ANK1: variants seen among roughly 807,000 people sequenced by gnomAD.
The protein encoded by ANK1 is ankyrin-1.
ANK1 carries 51 observed loss-of-function variants against 210.4 expected under a neutral mutation model. The observed-to-expected ratio is 0.24, with a 90% confidence interval of 0.19 to 0.31. The LOEUF (loss-of-function observed/expected upper bound fraction) is 0.31, where lower values mean the gene tolerates loss of function less well. Among genes scored for constraint, ANK1 ranks in the 10% least tolerant of loss-of-function variants. The pLI is 1.00. For missense variants in ANK1, 2,051 were observed against 2,504.4 expected (o/e 0.82, Z 3.86); for synonymous variants, 967 against 1,025.9 (o/e 0.94, Z 1.10).
chr8:41,810,296 A>C (rs539801060), intron 1 of ANK1, among the ~76,000 whole-genome samples: 1 of 152,320 alleles, frequency 6.6e-6, no homozygotes, highest in African/African-American at 2.4e-5. Context: ...ACAAATGCTG[A>C]ATGTGCACAA....
At chr8:41,843,959 C>A (rs971458308) in intron 1 of ANK1, among the ~76,000 whole-genome samples, 1 of 152,228 alleles carries the variant, frequency 6.6e-6, no homozygotes, top group African/African-American at 2.4e-5. Flanking sequence ...ACTGCAGTCT[C>A]CAACTCCTGG....
chr8:41,849,421 G>C (rs1810744481), intron 1 of ANK1, among the ~76,000 whole-genome samples: 1 of 151,752 alleles, frequency 6.6e-6, no homozygotes, highest in Admixed American at 6.5e-5. Context: ...CTACCAGGGA[G>C]GCTGAAGTAG....
intron 2 of ANK1, among the ~76,000 whole-genome samples, chr8:41,743,887 A>G (rs1835407137): frequency 6.6e-6 from 1 of 152,206 alleles, no homozygotes; most frequent in African/African-American, 2.4e-5. Flanking sequence ...ACACAGACAT[A>G]TGACAACCCG....
chr8:41,816,340 T>C (rs747710778), intron 1 of ANK1, among the ~76,000 whole-genome samples: 1 of 152,250 alleles, frequency 6.6e-6, no homozygotes, highest in Non-Finnish European at 1.5e-5. Flanking sequence ...GAACCCATAG[T>C]CTTACGATTT....
rs533449843 is a variant in ANK1, at chr8:41,883,047, AG to A, written c.126+13307del. 1.3e-3 allele frequency among the ~76,000 whole-genome samples: 191 copies of A among 152,350 alleles called. 2 individuals carry two copies. The highest frequency in any genetic ancestry group is 4.3e-3 in the African/African-American group (180 of 41,586). On this transcript the variant is annotated intron_variant, in intron 1 of 42. Coordinates refer to the ANK1 transcript ENST00000265709. ...CTCAGCCAGAGGTTTATAGAGTCAC[AG>A]GGTTGCCTGATTACACAGGCTCAGC...
chr8:41,800,617 G>A (rs985499178), upstream of ANK1, among the ~76,000 whole-genome samples: 5 of 152,232 alleles, frequency 3.3e-5, no homozygotes, highest in East Asian at 7.7e-4. Flanking sequence ...GGATTCCATC[G>A]ACCTCATGCC....
chr8:41,714,258 C>A lies in ANK1; in HGVS notation c.1702-4G>T. 1 of 1,541,152 alleles carries A rather than the reference C, an allele frequency of 6.5e-7. No homozygotes were observed. The highest frequency in any genetic ancestry group is 8.8e-7 in the Non-Finnish European group (1 of 1,135,714). Reference sequence around the variant, plus strand: ...CGTGCAGGGGGGTCAGGCCATTCTGCAGGGGACAAAGACAAAAGAGGCCGG... The same window carrying A: ...CGTGCAGGGGGGTCAGGCCATTCTGAAGGGGACAAAGACAAAAGAGGCCGG... On this transcript the variant is annotated splice_polypyrimidine_tract_variant and splice_region_variant and intron_variant, in intron 15 of 42. Coordinates refer to ENST00000289734, the MANE Select transcript of ANK1 (RefSeq NM_000037.4).
rs1287792154 is a variant in ANK1, at chr8:41,701,965, C to T, written c.2388+87G>A. 6 of 1,397,210 alleles carry T rather than the reference C, an allele frequency of 4.3e-6. No individual in the cohort carries two copies. The Admixed American group carries it at 1.1e-4, about 24-fold the overall frequency. 86.6% of individuals were successfully genotyped at this position (1,397,210 alleles called of 1,614,324 possible). On this transcript the variant is annotated intron_variant, in intron 21 of 42. Coordinates refer to ENST00000289734, the MANE Select transcript of ANK1 (RefSeq NM_000037.4). ...CGACCCGCGTCCCGGAGCCCCAGAACGCACCCCACTTCCAGAGTAACCCCA... is the reference window on the plus strand; with the variant it reads ...CGACCCGCGTCCCGGAGCCCCAGAATGCACCCCACTTCCAGAGTAACCCCA...
chr8:41,654,951 C>T lies in ANK1; in HGVS notation c.*839G>A, dbSNP rs1196423897. ...GGTCCTCGCCTCAGATTCTTAAGTCCCTAACACAAGGAACCCCGAATGCAC... is the reference window on the plus strand; with the variant it reads ...GGTCCTCGCCTCAGATTCTTAAGTCTCTAACACAAGGAACCCCGAATGCAC... On this transcript the variant is annotated 3_prime_UTR_variant, in exon 43 of 43. Coordinates refer to ENST00000289734, the MANE Select transcript of ANK1 (RefSeq NM_000037.4). 1 of 152,544 alleles carries T rather than the reference C, an allele frequency of 6.6e-6. No individual in the cohort carries two copies. Among genetic ancestry groups the T allele is most frequent in the Non-Finnish European group, 1.5e-5 (1 of 68,032 alleles). 9.4% of individuals were successfully genotyped at this position (152,544 alleles called of 1,614,324 possible).
rs1428880223 is a variant in ANK1 at position 41,797,173 on chromosome 8, A to C, written c.27+339T>G. Among the ~76,000 whole-genome samples the C allele has an allele frequency of 6.6e-6, 1 of 152,202 alleles. No homozygotes were observed. The highest frequency in any genetic ancestry group is 1.5e-5 in the Non-Finnish European group (1 of 68,038). On this transcript the variant is annotated intron_variant, in intron 1 of 42. Coordinates refer to ENST00000289734, the MANE Select transcript of ANK1 (RefSeq NM_000037.4). The surrounding 1 kb of genome is among the most constrained non-coding windows in gnomAD (Gnocchi z 4.0). ...TTAGCAGACTCAAAGGAAAGCCTCT[A>C]AGATCTCAATAGATTTGGACTATAA...
rs1162282073 is a variant in ANK1 at position 41,694,526 on chromosome 8, G to A, written c.3327+66C>T. On this transcript the variant is annotated intron_variant, in intron 28 of 42. Coordinates refer to ENST00000289734, the MANE Select transcript of ANK1 (RefSeq NM_000037.4). The surrounding 1 kb of genome is among the most constrained non-coding windows in gnomAD (Gnocchi z 5.7). ...AGTGTGGGGATGTCCTGGGGAAGAG[G>A]GTGGCCTTCCCGGAGGCCTGGAGTT... The A allele has an allele frequency of 6.9e-7, 1 of 1,454,778 alleles. No homozygotes were observed. The allele number at this position is 1,454,778 out of a possible 1,614,324, so 90.1% of individuals were successfully genotyped here.
chr8:41,896,273 G>T, intron 1 of ANK1: 2 of 1,469,630 alleles, frequency 1.4e-6, no homozygotes, highest in South Asian at 1.4e-5. Context: ...GCCCCACCGC[G>T]TCCCGGGCCG....
chr8:41,862,536 GA>G (rs1373728424), intron 1 of ANK1, among the ~76,000 whole-genome samples: 2 of 151,622 alleles, frequency 1.3e-5, no homozygotes, highest in Admixed American at 6.6e-5. Context: ...TTAAAAGAAT[GA>G]AAATATTTTA....
At position 41,696,396 on chromosome 8, in the gene ANK1, A is replaced by G. The variant is rs1384514572; in HGVS notation, c.2927T>C (p.Ile976Thr). The change falls in exon 26 of 43, where the codon ATA becomes ACA. Residue 976 changes from isoleucine (I) to threonine (T), a missense_variant. Physicochemically the swap from Ile to Thr is moderately conservative, Grantham distance 89. This residue lies in a region of ANK1 where 1,413 missense variants were observed against 1,707.4 expected (regional missense o/e 0.83). Coordinates refer to ENST00000289734, the MANE Select transcript of ANK1 (RefSeq NM_000037.4). ...AEEEGLASRI[I>T]ALGPTGAQFL... ...CTGTGCCCCCGTGGGCCCCAGTGCT[A>G]TGATCCTGCTGGCCAGGCCCTCCTC... 1 of 1,613,368 alleles carries G rather than the reference A, an allele frequency of 6.2e-7. No individual in the cohort carries two copies. The highest frequency in any genetic ancestry group is 8.5e-7 in the Non-Finnish European group (1 of 1,179,924).
Position 41,664,989 on chromosome 8 carries a change from A to C in ANK1, c.5395-1247T>G, listed in dbSNP as rs748273759. 4.3e-6 allele frequency: 7 copies of C among 1,614,152 alleles called. No individual in the cohort carries two copies. In the South Asian group the frequency reaches 7.7e-5, roughly 18 times the overall value. On this transcript the variant is annotated intron_variant, in intron 39 of 42. Coordinates refer to ENST00000289734, the MANE Select transcript of ANK1 (RefSeq NM_000037.4). ...GACCAGGAAGAAGCTCAGCAGCACC[A>C]GCGTGACCAACAGCTGGGTGACGAA... is the stretch of plus-strand genomic sequence containing the variant.
intron 1 of ANK1, among the ~76,000 whole-genome samples, chr8:41,821,879 C>G (rs1016368003): frequency 1.3e-5 from 2 of 151,998 alleles, no homozygotes; most frequent in Admixed American, 6.6e-5. Flanking sequence ...GAAACCTCAT[C>G]TCTACTAAAA....
At chr8:41,736,431 C>T (rs146933081) in intron 2 of ANK1, among the ~76,000 whole-genome samples, 2 of 152,214 alleles carry the variant, frequency 1.3e-5, no homozygotes, top group Admixed American at 6.5e-5. Context: ...TCCAACCCAG[C>T]GGCAGCCTTA....
At chr8:41,782,565 A>T (rs888986496) in intron 1 of ANK1, among the ~76,000 whole-genome samples, 1 of 152,190 alleles carries the variant, frequency 6.6e-6, no homozygotes, top group African/African-American at 2.4e-5. Flanking sequence ...AACATTGTAG[A>T]GCCCTCCGTG....
intron 1 of ANK1, among the ~76,000 whole-genome samples, chr8:41,845,931 A>G (rs1809959453): frequency 6.6e-6 from 1 of 152,104 alleles, no homozygotes; most frequent in Non-Finnish European, 1.5e-5. Flanking sequence ...GCTTTCTTCC[A>G]TCTTTTTCCC....
Sources: allele counts gnomAD v4.1 joint callset (sites outside exome capture counted in the v4.1 genomes callset), GRCh38; gene constraint gnomAD v4.1.1; regional missense constraint gnomAD v4.1.1; non-coding constraint Gnocchi (gnomAD v3.1); transcripts MANE v1.5; gene names NCBI Gene and HGNC (gene_info 2026-07-23, HGNC 2026-07-21).